Variants in LYPLA2 observed in about 807,000 individuals in gnomAD.
LYPLA2 encodes the protein lysophospholipase 2, also known as acyl-protein thioesterase 2.
In LYPLA2, 7 loss-of-function variants were observed where a neutral mutation model predicts 30.3. That is an observed-to-expected ratio of 0.23 (90% confidence interval 0.13 to 0.43). LYPLA2 has a LOEUF of 0.43. Among genes scored for constraint, LYPLA2 ranks in the 20% least tolerant of loss-of-function variants. The pLI, the probability that LYPLA2 is intolerant of heterozygous loss-of-function variation, is 1.00. For synonymous variants in LYPLA2, 112 were observed against 118.2 expected, an observed-to-expected ratio of 0.95 and a Z score of 0.34; for missense variants, 206 against 307.9, an observed-to-expected ratio of 0.67 and a Z score of 2.48.
chr1:23,794,190 G>A lies in LYPLA2; in HGVS notation c.370-34G>A. ...GGTAGGGGTGGCCGGTGAGTGAGCTGTGCCCTCATGACCCCTCTCTCTCCT... is the reference window on the plus strand; with the variant it reads ...GGTAGGGGTGGCCGGTGAGTGAGCTATGCCCTCATGACCCCTCTCTCTCCT... On this transcript the variant is annotated intron_variant, in intron 7 of 9. Coordinates refer to ENST00000374514, the MANE Select transcript of LYPLA2 (RefSeq NM_007260.3). This position sits in a 1 kb window ranked among gnomAD's most constrained non-coding sequence, Gnocchi z 5.9. 2 of 1,587,640 alleles carry A rather than the reference G, an allele frequency of 1.3e-6. No homozygotes were observed. Among genetic ancestry groups the A allele is most frequent in the Non-Finnish European group, 1.7e-6 (2 of 1,164,410 alleles).
intron 1 of LYPLA2, 90 bp downstream of exon 1, chr1:23,791,340 G>C (rs536051010): frequency 6.6e-6 from 1 of 151,972 alleles, no homozygotes; most frequent in African/African-American, 2.4e-5. Flanking sequence ...AACCGTGATG[G>C]GGGGGATGGG....
chr1:23,794,341 G>A lies in LYPLA2; in HGVS notation c.471+16G>A, dbSNP rs374024555. 25 of 1,597,152 alleles carry A rather than the reference G, an allele frequency of 1.6e-5. No homozygotes were observed. Among genetic ancestry groups the A allele is most frequent in the Non-Finnish European group, 2.1e-5 (25 of 1,166,374 alleles). On this transcript the variant is annotated intron_variant, in intron 8 of 9. Transcript: ENST00000374514. The surrounding 1 kb of genome is among the most constrained non-coding windows in gnomAD (Gnocchi z 5.9). ...CTTCCCCCAGGTGAATGTCCCCACT[G>A]ACCCCCCCGCCCTTTGTGTCTGCAT... is the stretch of plus-strand genomic sequence containing the variant.
rs1557475817 is a variant in LYPLA2 at position 23,794,867 on chromosome 1, G to C, written c.*135G>C. 4 of 1,085,080 alleles carry C rather than the reference G, an allele frequency of 3.7e-6. No individual in the cohort carries two copies. Among genetic ancestry groups the C allele is most frequent in the Non-Finnish European group, 5.5e-6 (4 of 723,846 alleles). 67.2% of individuals were successfully genotyped at this position (1,085,080 alleles called of 1,614,324 possible). On this transcript the variant is annotated 3_prime_UTR_variant, in exon 10 of 10. Coordinates refer to ENST00000374514, the MANE Select transcript of LYPLA2 (RefSeq NM_007260.3). The surrounding 1 kb of genome is among the most constrained non-coding windows in gnomAD (Gnocchi z 5.9). ...CTGTCCTTTTCCCACAGGCCTCTGG[G>C]GGCAGGTGGCAAGGCCTGGCCGGGC...
chr1:23,794,349 C>CCG lies in LYPLA2; in HGVS notation c.471+24_471+25insCG, dbSNP rs1638877584. On this transcript the variant is annotated intron_variant, in intron 8 of 9. Transcript: ENST00000374514. The surrounding 1 kb of genome is among the most constrained non-coding windows in gnomAD (Gnocchi z 5.9). ...AGGTGAATGTCCCCACTGACCCCCC[C>CCG]GCCCTTTGTGTCTGCATCCTCGTGG... The CCG allele has an allele frequency of 6.3e-7, 1 of 1,596,084 alleles. No individual in the cohort carries two copies. Among genetic ancestry groups the CCG allele is most frequent in the Non-Finnish European group, 8.6e-7 (1 of 1,164,796 alleles).
chr1:23,794,611 G>C lies in LYPLA2; in HGVS notation c.645+11G>C. The C allele has an allele frequency of 6.2e-7, 1 of 1,614,024 alleles. No homozygotes were observed. Among genetic ancestry groups the C allele is most frequent in the Non-Finnish European group, 8.5e-7 (1 of 1,179,948 alleles). On this transcript the variant is annotated intron_variant, in intron 9 of 9. Coordinates refer to ENST00000374514, the MANE Select transcript of LYPLA2 (RefSeq NM_007260.3). The surrounding 1 kb of genome is among the most constrained non-coding windows in gnomAD (Gnocchi z 5.9). ...AGCTCCTGTCCTCAGGTCAGTGGGG[G>C]GACCATTTCCCACTCCCACTTCTCT...
At chr1:23,792,215 T>C (rs1638808166) in intron 1 of LYPLA2, among the ~76,000 whole-genome samples, 1 of 151,916 alleles carries the variant, frequency 6.6e-6, no homozygotes, top group African/African-American at 2.4e-5. Context: ...GGAAGCTCCT[T>C]TCCCTGGCAC....
Position 23,793,051 on chromosome 1 carries a change from A to G in LYPLA2, c.110+12A>G. Reference sequence around the variant, plus strand: ...CTTGGAGACACAGGGTAAGTGACTGAGGAGGGGTGCTCCTTAAGGAGGGGT... The same window carrying G: ...CTTGGAGACACAGGGTAAGTGACTGGGGAGGGGTGCTCCTTAAGGAGGGGT... On this transcript the variant is annotated intron_variant, in intron 3 of 9. Transcript: ENST00000374514. The surrounding 1 kb of genome is among the most constrained non-coding windows in gnomAD (Gnocchi z 6.0). 2 of 1,613,486 alleles carry G rather than the reference A, an allele frequency of 1.2e-6. No individual in the cohort carries two copies. Among genetic ancestry groups the G allele is most frequent in the Non-Finnish European group, 1.7e-6 (2 of 1,179,604 alleles).
Position 23,794,448 on chromosome 1 carries a change from G to A in LYPLA2, c.493G>A (p.Asp165Asn), listed in dbSNP as rs776134444. 34 of 1,614,018 alleles carry A rather than the reference G, an allele frequency of 2.1e-5. 2 individuals carry two copies. In the South Asian group the frequency reaches 3.5e-4, roughly 17 times the overall value. ...CCAGGCAGCTAATGGCAGTGCCAAGGACCTGGCCATACTCCAGTGCCATGG... is the reference window on the plus strand; with the variant it reads ...CCAGGCAGCTAATGGCAGTGCCAAGAACCTGGCCATACTCCAGTGCCATGG... ...FPQAANGSAKDLAILQCHGEL... is the reference protein window; with the variant it reads ...FPQAANGSAKNLAILQCHGEL... Residue 165 changes from aspartate (D) to asparagine (N), a missense_variant, in exon 9 of 10, where the codon GAC (aspartate) becomes AAC (asparagine). By Grantham distance (23) the Asp-to-Asn change is conservative (BLOSUM62 1). Coordinates refer to ENST00000374514, the MANE Select transcript of LYPLA2 (RefSeq NM_007260.3). This position sits in a 1 kb window ranked among gnomAD's most constrained non-coding sequence, Gnocchi z 5.9.
At position 23,793,631 on chromosome 1, in the gene LYPLA2, C is replaced by CCCTGGTGG; in HGVS notation, c.177-72_177-71insTGGTGGCC. The CCCTGGTGG allele has an allele frequency of 1.3e-6, 2 of 1,509,470 alleles. No homozygotes were observed. The highest frequency in any genetic ancestry group is 1.1e-5 in the South Asian group (1 of 88,966). The allele number at this position is 1,509,470 out of a possible 1,614,324, so 93.5% of individuals were successfully genotyped here. A position where few individuals can be genotyped will look rare whatever the true frequency, so the allele number is the denominator to read the frequency against. On this transcript the variant is annotated intron_variant, in intron 4 of 9. Transcript: ENST00000374514. The surrounding 1 kb of genome is among the most constrained non-coding windows in gnomAD (Gnocchi z 6.0). ...GAGGGGCCACCAGGGGCGGCGCGGC[C>CCCTGGTGG]CCACTCCGGGCTCTGAGCTCTGGCC...
Position 23,793,804 on chromosome 1 carries a change from G to C in LYPLA2, c.224+52G>C. The C allele has an allele frequency of 6.2e-7, 1 of 1,611,506 alleles. No individual in the cohort carries two copies. Among genetic ancestry groups the C allele is most frequent in the Non-Finnish European group, 8.5e-7 (1 of 1,177,598 alleles). ...GGGGACGAGGACACTTGGGCTGAGG[G>C]AGCCACAGGGGGCTGGCTGGGGTTT... On this transcript the variant is annotated intron_variant, in intron 5 of 9. Transcript: ENST00000374514. The surrounding 1 kb of genome is among the most constrained non-coding windows in gnomAD (Gnocchi z 6.0).
intron 2 of LYPLA2, 55 bp downstream of exon 2, chr1:23,792,815 G>A: frequency 2.0e-6 from 3 of 1,503,204 alleles, no homozygotes; most frequent in South Asian, 2.3e-5. Context: ...TGGAGGACCG[G>A]CTGGAGGGGG....
rs1009006930 is a variant in LYPLA2 at position 23,793,991 on chromosome 1, G to A, written c.295+61G>A. The stretch of plus-strand genomic sequence containing the variant: ...CCTGCCCCCCAGGAAAGCGCTGGGC[G>A]GTTCCTCAGCCTAGCTCCCTTATTG... On this transcript the variant is annotated intron_variant, in intron 6 of 9. Coordinates refer to ENST00000374514, the MANE Select transcript of LYPLA2 (RefSeq NM_007260.3). The surrounding 1 kb of genome is among the most constrained non-coding windows in gnomAD (Gnocchi z 6.0). 104 of 1,584,396 alleles carry A rather than the reference G, an allele frequency of 6.6e-5. No homozygotes were observed. The highest frequency in any genetic ancestry group is 2.7e-4 in the Admixed American group (16 of 59,940).
chr1:23,794,676 C>T lies in LYPLA2; in HGVS notation c.646-6C>T. On this transcript the variant is annotated splice_polypyrimidine_tract_variant and splice_region_variant and intron_variant, in intron 9 of 9. Coordinates refer to ENST00000374514, the MANE Select transcript of LYPLA2 (RefSeq NM_007260.3). The surrounding 1 kb of genome is among the most constrained non-coding windows in gnomAD (Gnocchi z 5.9). ...GCCTCTCGTGATCCCCTCTTAATCC[C>T]CTCAGGAGATGGCAGCTGTGAAGGA... 1 of 1,614,216 alleles carries T rather than the reference C, an allele frequency of 6.2e-7. No individual in the cohort carries two copies. The highest frequency in any genetic ancestry group is 8.5e-7 in the Non-Finnish European group (1 of 1,180,034).
Position 23,793,999 on chromosome 1 carries a change from A to G in LYPLA2, c.296-64A>G. The G allele has an allele frequency of 6.3e-7, 1 of 1,589,704 alleles. No homozygotes were observed. Among genetic ancestry groups the G allele is most frequent in the Non-Finnish European group, 8.6e-7 (1 of 1,157,846 alleles). On this transcript the variant is annotated intron_variant, in intron 6 of 9. Transcript: ENST00000374514. The surrounding 1 kb of genome is among the most constrained non-coding windows in gnomAD (Gnocchi z 6.0). ...CCAGGAAAGCGCTGGGCGGTTCCTC[A>G]GCCTAGCTCCCTTATTGGGCCCCTT...
intron 1 of LYPLA2, 44 bp from the exon 2 acceptor site, chr1:23,792,612 TC>T: frequency 8.0e-7 from 1 of 1,243,260 alleles, no homozygotes; most frequent in Non-Finnish European, 1.2e-6. Flanking sequence ...CAGGAGTGTG[TC>T]CTGTGCCTGG....
chr1:23,791,461 T>C (rs1026959659), intron 1 of LYPLA2, among the ~76,000 whole-genome samples: 6 of 151,356 alleles, frequency 4.0e-5, no homozygotes, highest in African/African-American at 7.3e-5. Flanking sequence ...GGGTCGGAAA[T>C]AGAAGAGCCC....
At chr1:23,792,535 C>G (rs1638816739) in intron 1 of LYPLA2, 122 bp from the exon 2 acceptor site, 9 of 654,970 alleles carry the variant, frequency 1.4e-5, no homozygotes, top group South Asian at 1.3e-4. Flanking sequence ...TCTTGCTTGA[C>G]TATTCTTTGT....
rs1638882916 is a variant in LYPLA2 at position 23,794,486 on chromosome 1, C to T, written c.531C>T (p.Pro177=). The change falls in exon 9 of 10, where the codon CCC becomes CCT. Residue 177 remains proline, a synonymous_variant. Transcript: ENST00000374514. The surrounding 1 kb of genome is among the most constrained non-coding windows in gnomAD (Gnocchi z 5.9). The part of the protein sequence containing the change: ...AILQCHGELD[P]MVPVRFGALT... ...TCCAGTGCCATGGGGAGCTGGACCC[C>T]ATGGTGCCCGTACGGTTTGGGGCCC... 1 of 1,614,002 alleles carries T rather than the reference C, an allele frequency of 6.2e-7. No homozygotes were observed. Among genetic ancestry groups the T allele is most frequent in the African/African-American group, 1.3e-5 (1 of 74,920 alleles).
Position 23,794,157 on chromosome 1 carries a change from G to T in LYPLA2, c.369+21G>T, listed in dbSNP as rs759416340. On this transcript the variant is annotated intron_variant, in intron 7 of 9. Transcript: ENST00000374514. The surrounding 1 kb of genome is among the most constrained non-coding windows in gnomAD (Gnocchi z 5.9). ...CACAGGTGAGGGGAGAGGGGTGGGGGGGTAGGGGGTAGGGGTGGCCGGTGA... is the reference window on the plus strand; with the variant it reads ...CACAGGTGAGGGGAGAGGGGTGGGGTGGTAGGGGGTAGGGGTGGCCGGTGA... 11 of 1,071,762 alleles carry T rather than the reference G, an allele frequency of 1.0e-5. No individual in the cohort carries two copies. The highest frequency in any genetic ancestry group is 1.4e-5 in the Non-Finnish European group (10 of 704,696). The allele number at this position is 1,071,762 out of a possible 1,614,324, so 66.4% of individuals were successfully genotyped here.
Sources: gnomAD v4.1 joint callset for allele counts (sites outside exome capture counted in the v4.1 genomes callset) on GRCh38, gnomAD v4.1.1 for gene constraint, Gnocchi (gnomAD v3.1) non-coding constraint, MANE v1.5 for transcripts, NCBI Gene and HGNC (gene_info 2026-07-23, HGNC 2026-07-21) for gene names.